The following TMEM178A variants were observed in gnomAD, a reference collection of about 807,000 sequenced individuals.
TMEM178A encodes transmembrane protein 178.
TMEM178A carries 12 observed loss-of-function variants against 29.1 expected under a neutral mutation model. The ratio of observed to expected loss-of-function variants is 0.41; its 90% CI spans 0.26 to 0.67. The LOEUF (loss-of-function observed/expected upper bound fraction) is 0.67. Ranked by LOEUF, TMEM178A falls within the 30% of genes least tolerant of loss-of-function variation. The pLI is 0.29. For synonymous variants in TMEM178A, 210 were observed against 187.2 expected (o/e 1.12, Z -0.99); for missense variants, 366 against 419.1 (o/e 0.87, Z 1.11).
At chr2:39,730,020 T>A in the TMEM178A span, among the ~76,000 whole-genome samples, 1 of 152,162 alleles carries the variant, frequency 6.6e-6, no homozygotes, top group African/African-American at 2.4e-5. Context: ...CGGGTCTTGG[T>A]AAGAACCTAG....
chr2:39,713,638 G>A (rs1030108710), intron 3 of TMEM178A, among the ~76,000 whole-genome samples: 2 of 152,122 alleles, frequency 1.3e-5, no homozygotes, highest in African/African-American at 2.4e-5. Flanking sequence ...AGCCAACCCC[G>A]CTGACACCTT....
chr2:39,685,465 C>T (rs1020436686), intron 1 of TMEM178A, among the ~76,000 whole-genome samples: 3 of 152,118 alleles, frequency 2.0e-5, no homozygotes, highest in African/African-American at 4.8e-5. Flanking sequence ...TCAATAATGC[C>T]CCTGTCCTTC....
At chr2:39,692,255 A>C (rs1223050266) in intron 1 of TMEM178A, among the ~76,000 whole-genome samples, 3 of 152,194 alleles carry the variant, frequency 2.0e-5, no homozygotes, top group Non-Finnish European at 2.9e-5. Flanking sequence ...TATTTACAGC[A>C]TGGTGGATAG....
chr2:39,670,925 T>C (rs1304738083), intron 1 of TMEM178A, among the ~76,000 whole-genome samples: 1 of 152,208 alleles, frequency 6.6e-6, no homozygotes, highest in African/African-American at 2.4e-5. Flanking sequence ...AATTCTAATA[T>C]TACATATTAT....
chr2:39,729,445 AGAGGTGGG>A, the TMEM178A span, among the ~76,000 whole-genome samples: 1 of 152,176 alleles, frequency 6.6e-6, no homozygotes, highest in Non-Finnish European at 1.5e-5. Context: ...TCTGCCTTGG[AGAGGTGGG>A]ACTCAAACAT....
chr2:39,672,300 C>T (rs1298567729), intron 1 of TMEM178A, among the ~76,000 whole-genome samples: 1 of 152,078 alleles, frequency 6.6e-6, no homozygotes, highest in Non-Finnish European at 1.5e-5. Flanking sequence ...TCAAAATTGC[C>T]AGAATCAATG....
intron 1 of TMEM178A, among the ~76,000 whole-genome samples, chr2:39,691,647 G>A (rs1206673730): frequency 6.6e-6 from 1 of 152,060 alleles, no homozygotes; most frequent in African/African-American, 2.4e-5. Context: ...ATTTATCCAA[G>A]GGAATTAAAA....
intron 1 of TMEM178A, among the ~76,000 whole-genome samples, chr2:39,666,592 A>G (rs1465072850): frequency 2.0e-5 from 3 of 151,418 alleles, no homozygotes; most frequent in Non-Finnish European, 4.4e-5. Flanking sequence ...TTTCGTCCAC[A>G]TCCTGCGCGT....
downstream of TMEM178A, among the ~76,000 whole-genome samples, chr2:39,722,488 C>T (rs1454674512): frequency 1.3e-5 from 2 of 152,190 alleles, no homozygotes; most frequent in East Asian, 3.8e-4. Context: ...GCCGATTCCT[C>T]TCTGATTTCC....
At chr2:39,719,025 G>T (rs1425476862), downstream of TMEM178A, among the ~76,000 whole-genome samples, 1 of 152,128 alleles carries the variant, frequency 6.6e-6, no homozygotes, top group African/African-American at 2.4e-5. Flanking sequence ...TCCACATATT[G>T]TCATGTAAGG....
chr2:39,678,706 A>C (rs1337283570), intron 1 of TMEM178A, among the ~76,000 whole-genome samples: 2 of 152,186 alleles, frequency 1.3e-5, no homozygotes, highest in African/African-American at 4.8e-5. Context: ...AAAAACCCCA[A>C]ATCTCTGATA....
the TMEM178A span, among the ~76,000 whole-genome samples, chr2:39,733,913 C>T: frequency 6.6e-6 from 1 of 152,106 alleles, no homozygotes; most frequent in African/African-American, 2.4e-5. Context: ...CATTTTATCC[C>T]CTTATTCAAG....
upstream of TMEM178A, chr2:39,665,882 A>C (rs1572636945): frequency 2.5e-5 from 26 of 1,032,378 alleles, no homozygotes; most frequent in South Asian, 1.1e-4. Flanking sequence ...GGTGGGGGGA[A>C]GAGGGAGGGA....
intron 1 of TMEM178A, among the ~76,000 whole-genome samples, chr2:39,673,303 G>T (rs898944953): frequency 6.6e-6 from 1 of 152,190 alleles, no homozygotes; most frequent in Non-Finnish European, 1.5e-5. Context: ...AGACCCAACA[G>T]TAATGTCATG....
At chr2:39,731,387 T>C in the TMEM178A span, among the ~76,000 whole-genome samples, 3 of 152,308 alleles carry the variant, frequency 2.0e-5, no homozygotes, top group Non-Finnish European at 2.9e-5. Context: ...TTCAAAAGCA[T>C]AGTGCCACAT....
chr2:39,710,937 C>T (rs533481578), intron 3 of TMEM178A, among the ~76,000 whole-genome samples: 2 of 152,256 alleles, frequency 1.3e-5, no homozygotes, highest in Non-Finnish European at 2.9e-5. Flanking sequence ...TGATTGCACA[C>T]AGACAGGTCT....
chr2:39,704,540 C>T (rs984856686), intron 2 of TMEM178A, among the ~76,000 whole-genome samples: 1 of 152,138 alleles, frequency 6.6e-6, no homozygotes, highest in African/African-American at 2.4e-5. Flanking sequence ...CTTAGGGGCT[C>T]TTATTTTTGT....
chr2:39,666,163 G>A lies in TMEM178A; in HGVS notation c.189G>A (p.Ser63=), dbSNP rs776324570. Residue 63 remains serine, a synonymous_variant, in exon 1 of 4, where the codon TCG becomes TCA. Transcript: ENST00000281961. The part of the protein sequence containing the change: ...PDQKNRLMPL[S]HLPLRDSPPL... ...AGAAGAACCGCCTGATGCCGCTGTC[G>A]CACCTGCCGCTGCGGGACTCGCCCC... 9 of 1,490,878 alleles carry A rather than the reference G, an allele frequency of 6.0e-6. No homozygotes were observed. The East Asian group carries it at 2.4e-4, about 39-fold the overall frequency. 92.4% of individuals were successfully genotyped at this position (1,490,878 alleles called of 1,614,324 possible).
chr2:39,678,755 G>A (rs1670738945), intron 1 of TMEM178A, among the ~76,000 whole-genome samples: 1 of 152,180 alleles, frequency 6.6e-6, no homozygotes, highest in Non-Finnish European at 1.5e-5. Flanking sequence ...GAATTTAGCA[G>A]GTCATAAAAA....
Sources: gnomAD v4.1 joint callset for allele counts (sites outside exome capture counted in the v4.1 genomes callset) on GRCh38, gnomAD v4.1.1 for gene constraint, MANE v1.5 for transcripts, NCBI Gene and HGNC (gene_info 2026-07-23, HGNC 2026-07-21) for gene names.